The following DDX60L variants were observed in gnomAD, a reference collection of about 807,000 sequenced individuals.
DDX60L encodes probable ATP-dependent RNA helicase DDX60-like.
Under a neutral mutation model 211.6 loss-of-function variants are expected in DDX60L, and 191 were observed. The observed-to-expected ratio is 0.90, with a 90% CI of 0.80 to 1.02. The LOEUF (loss-of-function observed/expected upper bound fraction) is 1.02. Among genes scored for constraint, DDX60L ranks in the 50% least tolerant of loss-of-function variants. The pLI is 0.00. For missense variants in DDX60L, 2,007 were observed against 1,984.1 expected, an observed-to-expected ratio of 1.01 and a Z score of -0.22; for synonymous variants, 706 against 694.1, an observed-to-expected ratio of 1.02 and a Z score of -0.27.
chr4:168,357,846 C>A lies in DDX60L; in HGVS notation c.*301G>T. 9.7e-6 allele frequency: 2 copies of A among 206,408 alleles called. No homozygotes were observed. Among genetic ancestry groups the A allele is most frequent in the Non-Finnish European group, 1.9e-5 (2 of 103,924 alleles). The allele number at this position is 206,408 out of a possible 1,614,324, so 12.8% of individuals were successfully genotyped here. A position where few individuals can be genotyped will look rare whatever the true frequency, so the allele number is the denominator to read the frequency against. On this transcript the variant is annotated 3_prime_UTR_variant, in exon 38 of 38. Transcript: ENST00000682922. ...GCTATACATTAACTACTAAAAAAAC[C>A]ACTACCGTTCATTAAGTCACCACCC...
chr4:168,438,563 A>G (rs1016836656), intron 10 of DDX60L, among the ~76,000 whole-genome samples: 11 of 152,250 alleles, frequency 7.2e-5, no homozygotes, highest in Non-Finnish European at 1.5e-4. Context: ...TTTGGTTTTT[A>G]ATTCAGGCCC....
In DDX60L at chr4:168,466,209, A is replaced by C. The variant is rs74580847; in HGVS notation, c.265-4169T>G. ...ACAAATAAAGACAAGAGTAGAAATC[A>C]GTGAAATTAAAAAAAAGACAATACA... On this transcript the variant is annotated intron_variant, in intron 4 of 37. Coordinates refer to ENST00000682922, the MANE Select transcript of DDX60L (RefSeq NM_001012967.3). Among the ~76,000 whole-genome samples the C allele has an allele frequency of 6.7e-3, 1,025 of 152,288 alleles. 15 individuals carry two copies. Among genetic ancestry groups the C allele is most frequent in the African/African-American group, 0.021 (853 of 41,570 alleles).
At chr4:168,406,812 T>C in intron 22 of DDX60L, 106 bp from the exon 23 acceptor site, 1 of 796,666 alleles carries the variant, frequency 1.3e-6, no homozygotes. Flanking sequence ...TACCTGTGAA[T>C]CCAGGGACAT....
intron 1 of DDX60L, among the ~76,000 whole-genome samples, chr4:168,477,917 A>T (rs775308037): frequency 1.3e-5 from 2 of 152,196 alleles, no homozygotes; most frequent in Non-Finnish European, 2.9e-5. Flanking sequence ...ACTGGGTGGT[A>T]TGAAAGCAGA....
intron 36 of DDX60L, among the ~76,000 whole-genome samples, chr4:168,370,844 C>A (rs1268421462): frequency 0.01 from 1,529 of 151,908 alleles, 26 homozygotes; most frequent in African/African-American, 0.034. Context: ...CATGACTTTC[C>A]CCATTTCTAC....
Position 168,460,209 on chromosome 4 carries a change from GATT to G in DDX60L, c.606+1487_606+1489del, listed in dbSNP as rs545081229. ...GGAACAAGACTAGATTCACTCATAA[GATT>G]ATTAATATATTTTTTGACTCCCAAG... On this transcript the variant is annotated intron_variant, in intron 5 of 37. Coordinates refer to ENST00000682922, the MANE Select transcript of DDX60L (RefSeq NM_001012967.3). Among the ~76,000 whole-genome samples, 458 of 152,272 alleles carry G rather than the reference GATT, an allele frequency of 3.0e-3. 1 individual carries two copies. Among genetic ancestry groups the G allele is most frequent in the African/African-American group, 0.01 (434 of 41,554 alleles).
At chr4:168,405,303 C>A (rs894315533) in intron 24 of DDX60L, among the ~76,000 whole-genome samples, 1 of 152,148 alleles carries the variant, frequency 6.6e-6, no homozygotes, top group Admixed American at 6.6e-5. Context: ...CCACCACTCC[C>A]GGCCAACCCA....
At chr4:168,460,613 A>C (rs1212012331) in intron 5 of DDX60L, among the ~76,000 whole-genome samples, 1 of 151,088 alleles carries the variant, frequency 6.6e-6, no homozygotes, top group Non-Finnish European at 1.5e-5. Context: ...CTTTACTTAT[A>C]ACACTAACAA....
At chr4:168,462,860 T>G (rs554507582) in intron 4 of DDX60L, among the ~76,000 whole-genome samples, 2 of 151,810 alleles carry the variant, frequency 1.3e-5, no homozygotes, top group Admixed American at 6.5e-5. Flanking sequence ...AGTAAGCATA[T>G]AAAAAAAGCT....
chr4:168,401,771 A>G (rs949416697), intron 25 of DDX60L, among the ~76,000 whole-genome samples: 1 of 152,218 alleles, frequency 6.6e-6, no homozygotes, highest in Non-Finnish European at 1.5e-5. Context: ...TGTTTAGAAA[A>G]CAGACTTCGA....
chr4:168,361,354 AT>A (rs1739083959), intron 36 of DDX60L, 143 bp from the exon 37 acceptor site: 1 of 542,200 alleles, frequency 1.8e-6, no homozygotes. Flanking sequence ...TGTATTAATC[AT>A]AATGAAATTG....
intron 19 of DDX60L, 33 bp from the exon 20 acceptor site, chr4:168,416,830 G>A: frequency 8.2e-7 from 1 of 1,220,004 alleles, no homozygotes; most frequent in Non-Finnish European, 1.2e-6. Flanking sequence ...TTGAAAAGTT[G>A]ATGTCAAAAT....
At chr4:168,389,876 G>T (rs2149715549) in intron 29 of DDX60L, among the ~76,000 whole-genome samples, 1 of 152,292 alleles carries the variant, frequency 6.6e-6, no homozygotes, top group Middle Eastern at 3.4e-3. Flanking sequence ...AGTGCAAGCA[G>T]TAGAACTAAC....
At position 168,379,405 on chromosome 4, in the gene DDX60L, T is replaced by G; in HGVS notation, c.4321A>C (p.Lys1441Gln). Residue 1441 changes from lysine to glutamine, a missense_variant, in exon 32 of 38, where the codon AAG becomes CAG. Physicochemically the swap from Lys to Gln is moderately conservative, Grantham distance 53. Coordinates refer to ENST00000682922, the MANE Select transcript of DDX60L (RefSeq NM_001012967.3). ...PSNLVFVNFL[K>Q]RGLFHNLCKP... The stretch of plus-strand genomic sequence containing the variant: ...CAGAGATTATGGAAAAGGCCTCTCT[T>G]GAGAAAATTTACAAAAACAAGATTT... 1.2e-6 allele frequency: 2 copies of G among 1,602,582 alleles called. No individual in the cohort carries two copies. Among genetic ancestry groups the G allele is most frequent in the South Asian group, 1.1e-5 (1 of 87,878 alleles).
intron 10 of DDX60L, 127 bp from the exon 11 acceptor site, chr4:168,433,242 G>T (rs1014898903): frequency 3.2e-6 from 2 of 633,864 alleles, no homozygotes; most frequent in African/African-American, 1.8e-5. Flanking sequence ...TACCAAGTTA[G>T]AGCTTCCAAA....
At chr4:168,463,625 A>G (rs1291078530) in intron 4 of DDX60L, among the ~76,000 whole-genome samples, 1 of 152,050 alleles carries the variant, frequency 6.6e-6, no homozygotes, top group Non-Finnish European at 1.5e-5. Context: ...TGATATTGAC[A>G]CTCTAGCCTA....
chr4:168,364,399 C>G lies in DDX60L; in HGVS notation c.4929-3188G>C, dbSNP rs553961497. Reference sequence around the variant, plus strand: ...TACCAAAACATCCAAATATATAAAGCAATTATTATTAGATCTAAAAGGAGA... The same window carrying G: ...TACCAAAACATCCAAATATATAAAGGAATTATTATTAGATCTAAAAGGAGA... On this transcript the variant is annotated intron_variant, in intron 36 of 37. Coordinates refer to ENST00000682922, the MANE Select transcript of DDX60L (RefSeq NM_001012967.3). Among the ~76,000 whole-genome samples the G allele has an allele frequency of 4.6e-5, 7 of 152,128 alleles. No individual in the cohort carries two copies. In the East Asian group the frequency reaches 1.4e-3, roughly 29 times the overall value.
chr4:168,392,723 A>G (rs1035184541), intron 28 of DDX60L, among the ~76,000 whole-genome samples: 6 of 151,970 alleles, frequency 3.9e-5, no homozygotes, highest in African/African-American at 1.5e-4. Flanking sequence ...CATGCCTGTA[A>G]TCCCAACTAC....
rs1242132911 is a variant in DDX60L at position 168,402,363 on chromosome 4, G to T, written c.3339-1385C>A. On this transcript the variant is annotated intron_variant, in intron 25 of 37. Transcript: ENST00000682922. Reference sequence around the variant, plus strand: ...TACTGCTTTAACACAAACAAACCTAGGTCATCTAGAATTAATTTTCCTTTT... The same window carrying T: ...TACTGCTTTAACACAAACAAACCTATGTCATCTAGAATTAATTTTCCTTTT... Among the ~76,000 whole-genome samples, 5 of 151,616 alleles carry T rather than the reference G, an allele frequency of 3.3e-5. No individual in the cohort carries two copies. In the East Asian group the frequency reaches 7.7e-4, roughly 23 times the overall value.
Sources: gnomAD v4.1 joint callset for allele counts (sites outside exome capture counted in the v4.1 genomes callset) on GRCh38, gnomAD v4.1.1 for gene constraint, MANE v1.5 for transcripts, NCBI Gene and HGNC (gene_info 2026-07-23, HGNC 2026-07-21) for gene names.